The following TTF2 variants were observed in gnomAD, a reference collection of about 807,000 sequenced individuals.
TTF2 encodes transcription termination factor 2, also known as RNA polymerase II termination factor.
Under a neutral mutation model 142.4 loss-of-function variants are expected in TTF2, and 108 were observed. The ratio of observed to expected loss-of-function variants is 0.76; its 90% confidence interval spans 0.65 to 0.89. TTF2 has a LOEUF of 0.89. Among genes scored for constraint, TTF2 ranks in the 40% least tolerant of loss-of-function variants. The pLI is 0.00. For missense variants in TTF2, 1,327 were observed against 1,379.8 expected, an observed-to-expected ratio of 0.96 and a Z score of 0.61; for synonymous variants, 483 against 506.2, an observed-to-expected ratio of 0.95 and a Z score of 0.61.
rs1358062914 is a variant in TTF2 at position 117,101,363 on chromosome 1, T to G, written c.3345-17T>G. The stretch of plus-strand genomic sequence containing the variant: ...GGGTTTTTGATAGTTTGCTTATTTT[T>G]TGTTTTTGTTTTTTAGATTTGTTTG... On this transcript the variant is annotated splice_polypyrimidine_tract_variant and intron_variant, in intron 22 of 22. Transcript: ENST00000369466. This position sits in a 1 kb window ranked among gnomAD's most constrained non-coding sequence, Gnocchi z 5.9. The G allele has an allele frequency of 1.9e-6, 3 of 1,568,014 alleles. No homozygotes were observed. Among genetic ancestry groups the G allele is most frequent in the Non-Finnish European group, 2.6e-6 (3 of 1,166,500 alleles).
chr1:117,074,932 T>A lies in TTF2; in HGVS notation c.348T>A (p.His116Gln), dbSNP rs762600511. Reference sequence around the variant, plus strand: ...CTCAGCATGCATCTGAGACATTTCATCATTCTTCCAACTGGCTGAGAAATC... The same window carrying A: ...CTCAGCATGCATCTGAGACATTTCAACATTCTTCCAACTGGCTGAGAAATC... ...NKSQHASETF[H>Q]HSSNWLRNPF... Residue 116 changes from histidine (H) to glutamine (Q), a missense_variant, in exon 5 of 23, where the codon CAT becomes CAA. Transcript: ENST00000369466. 6.2e-7 allele frequency: 1 copy of A among 1,613,622 alleles called. No individual in the cohort carries two copies. The highest frequency in any genetic ancestry group is 8.5e-7 in the Non-Finnish European group (1 of 1,179,952).
rs138774321 is a variant in TTF2 at position 117,098,903 on chromosome 1, C to G, written c.3340C>G (p.His1114Asp). The G allele has an allele frequency of 8.1e-6, 13 of 1,612,760 alleles. No individual in the cohort carries two copies. Among genetic ancestry groups the G allele is most frequent in the African/African-American group, 1.3e-5 (1 of 74,636 alleles). Residue 1114 changes from histidine to aspartate, a missense_variant, in exon 22 of 23, where the codon CAC becomes GAC. Physicochemically the swap from His to Asp is moderately conservative, Grantham distance 81. Coordinates refer to ENST00000369466, the MANE Select transcript of TTF2 (RefSeq NM_003594.4). ...RVGQQKDVVI[H>D]RFVCEGTVEE... ...AGGGCAGCAGAAAGATGTTGTCATA[C>G]ACAGGTAAGTAATGGTCCCCAGGAC...
chr1:117,086,742 G>A lies in TTF2; in HGVS notation c.2160+220G>A, dbSNP rs1431030857. On this transcript the variant is annotated intron_variant, in intron 12 of 22. Transcript: ENST00000369466. This position sits in a 1 kb window ranked among gnomAD's most constrained non-coding sequence, Gnocchi z 4.2. ...TCAACCTATGCCACAGGATTCAGCT[G>A]CCTTTTAGAATGAAAGATGACTGCA... Among the ~76,000 whole-genome samples, 4 of 152,178 alleles carry A rather than the reference G, an allele frequency of 2.6e-5. No individual in the cohort carries two copies. Among genetic ancestry groups the A allele is most frequent in the Non-Finnish European group, 5.9e-5 (4 of 68,042 alleles).
In TTF2 at chr1:117,093,016, C is replaced by T; in HGVS notation, c.2976+115C>T. 8.5e-7 allele frequency: 1 copy of T among 1,180,846 alleles called. No individual in the cohort carries two copies. The highest frequency in any genetic ancestry group is 1.2e-6 in the Non-Finnish European group (1 of 833,244). The allele number at this position is 1,180,846 out of a possible 1,614,324, so 73.1% of individuals were successfully genotyped here. On this transcript the variant is annotated intron_variant, in intron 18 of 22. Transcript: ENST00000369466. This position sits in a 1 kb window ranked among gnomAD's most constrained non-coding sequence, Gnocchi z 4.5. ...CAGCCATTTGCCAGCAGAGCTAGAG[C>T]CGTTAAATTCTAGCTGATCAGATTC...
rs371728462 is a variant in TTF2, at chr1:117,060,769, AC to A, written c.131+218del. 9.2e-5 allele frequency among the ~76,000 whole-genome samples: 14 copies of A among 152,024 alleles called. No individual in the cohort carries two copies. In the South Asian group the frequency reaches 2.7e-3, roughly 29 times the overall value. ...CTGGCTGTGTGACCCGAGGCTGGTT[AC>A]CCCCCTCTCTGGGCCGATGGTTCCC... On this transcript the variant is annotated intron_variant, in intron 2 of 22. Coordinates refer to ENST00000369466, the MANE Select transcript of TTF2 (RefSeq NM_003594.4).
Position 117,101,355 on chromosome 1 carries a change from CTTAT to C in TTF2, c.3345-22_3345-19del. ...GCTGCTTAGGGTTTTTGATAGTTTGCTTATTTTTTGTTTTTGTTTTTTAGATTTG... is the reference window on the plus strand; with the variant it reads ...GCTGCTTAGGGTTTTTGATAGTTTGCTTTTTGTTTTTGTTTTTTAGATTTG... On this transcript the variant is annotated intron_variant, in intron 22 of 22. Coordinates refer to ENST00000369466, the MANE Select transcript of TTF2 (RefSeq NM_003594.4). This position sits in a 1 kb window ranked among gnomAD's most constrained non-coding sequence, Gnocchi z 5.9. 6.4e-7 allele frequency: 1 copy of C among 1,559,908 alleles called. No homozygotes were observed. The highest frequency in any genetic ancestry group is 8.6e-7 in the Non-Finnish European group (1 of 1,162,718).
intron 2 of TTF2, among the ~76,000 whole-genome samples, chr1:117,061,187 C>T (rs111882324): frequency 0.092 from 13,909 of 151,992 alleles, 851 homozygotes; most frequent in African/African-American, 0.16. Context: ...CCCAGGGGTT[C>T]GAAACCAGCC....
rs1002741886 is a variant in TTF2 at position 117,104,739 on chromosome 1, G to C, written c.*3215G>C. 2 of 152,208 alleles carry C rather than the reference G, an allele frequency of 1.3e-5. No individual in the cohort carries two copies. Among genetic ancestry groups the C allele is most frequent in the African/African-American group, 2.4e-5 (1 of 41,444 alleles). The allele number at this position is 152,208 out of a possible 1,614,324, so 9.4% of individuals were successfully genotyped here. ...ATCCTAGTGCTGGGATGGATTACAT[G>C]AATTACATTGTGGAGCTGCATATGT... is the stretch of plus-strand genomic sequence containing the variant. On this transcript the variant is annotated 3_prime_UTR_variant, in exon 23 of 23. Transcript: ENST00000369466.
At chr1:117,081,787 C>T (rs774059041) in intron 9 of TTF2, 41 bp from the exon 10 acceptor site, 3 of 1,600,644 alleles carry the variant, frequency 1.9e-6, no homozygotes, top group African/African-American at 2.7e-5. Flanking sequence ...GATTATTTGC[C>T]CTAAGCAATT....
At chr1:117,071,467 A>G (rs1050121224) in intron 3 of TTF2, among the ~76,000 whole-genome samples, 4 of 152,232 alleles carry the variant, frequency 2.6e-5, no homozygotes, top group African/African-American at 9.6e-5. Flanking sequence ...AAGAATGTAT[A>G]TTGACTTGAA....
At position 117,086,523 on chromosome 1, in the gene TTF2, G is replaced by A; in HGVS notation, c.2160+1G>A. 1 of 1,612,448 alleles carries A rather than the reference G, an allele frequency of 6.2e-7. No individual in the cohort carries two copies. The highest frequency in any genetic ancestry group is 8.5e-7 in the Non-Finnish European group (1 of 1,178,710). ...CCCAGGTGCAAACCTCAATGTGGAG[G>A]TGAGGCTGGGGGGCAGCCAGGGAAG... On this transcript the variant is annotated splice_donor_variant, in intron 12 of 22. Coordinates refer to ENST00000369466, the MANE Select transcript of TTF2 (RefSeq NM_003594.4). LOFTEE classifies it high-confidence loss of function. The surrounding 1 kb of genome is among the most constrained non-coding windows in gnomAD (Gnocchi z 4.2).
chr1:117,091,507 CAG>C lies in TTF2; in HGVS notation c.2671+101_2671+102del, dbSNP rs1648573945. On this transcript the variant is annotated intron_variant, in intron 16 of 22. Coordinates refer to ENST00000369466, the MANE Select transcript of TTF2 (RefSeq NM_003594.4). ...ATGTGAGGTTATGAATCCTTGGTAT[CAG>C]AGATTTGGCGTTAACTAAGACCCTC... 4 of 1,314,048 alleles carry C rather than the reference CAG, an allele frequency of 3.0e-6. 1 individual carries two copies. Among genetic ancestry groups the C allele is most frequent in the Non-Finnish European group, 4.2e-6 (4 of 959,702 alleles). The allele number at this position is 1,314,048 out of a possible 1,614,324, so 81.4% of individuals were successfully genotyped here.
Position 117,092,782 on chromosome 1 carries a change from G to A in TTF2, c.2857G>A (p.Glu953Lys), listed in dbSNP as rs1648713074. 3 of 1,614,080 alleles carry A rather than the reference G, an allele frequency of 1.9e-6. No homozygotes were observed. The African/African-American group carries it at 4.0e-5, about 22-fold the overall frequency. Residue 953 changes from glutamate to lysine, a missense_variant, in exon 18 of 23, where the codon GAA (glutamate) becomes AAA (lysine). Glu to Lys is a moderately conservative substitution (Grantham distance 56, BLOSUM62 1). Transcript: ENST00000369466. This position sits in a 1 kb window ranked among gnomAD's most constrained non-coding sequence, Gnocchi z 4.4. ...KGEGLVLSLE[E>K]QLSALTLSEL... is the part of the protein sequence containing the mutation. ...TGAAGGTCTTGTCCTTTCCCTGGAA[G>A]AACAGCTCAGTGCTTTGACCTTGTC...
chr1:117,105,089 C>G lies in TTF2; in HGVS notation c.*3565C>G, dbSNP rs557258023. The G allele has an allele frequency of 3.3e-5, 5 of 152,302 alleles. No homozygotes were observed. The East Asian group carries it at 9.7e-4, about 29-fold the overall frequency. The allele number at this position is 152,302 out of a possible 1,614,324, so 9.4% of individuals were successfully genotyped here. Reference sequence around the variant, plus strand: ...TGCTGGATTTGCTTTTTACATCTGCCTATTGCACCTGACTTGGGCATGGAT... The same window carrying G: ...TGCTGGATTTGCTTTTTACATCTGCGTATTGCACCTGACTTGGGCATGGAT... On this transcript the variant is annotated 3_prime_UTR_variant, in exon 23 of 23. Coordinates refer to ENST00000369466, the MANE Select transcript of TTF2 (RefSeq NM_003594.4). This position sits in a 1 kb window ranked among gnomAD's most constrained non-coding sequence, Gnocchi z 4.7.
Position 117,100,159 on chromosome 1 carries a change from T to C in TTF2, c.3345-1221T>C, listed in dbSNP as rs1649469197. Among the ~76,000 whole-genome samples, 1 of 152,256 alleles carries C rather than the reference T, an allele frequency of 6.6e-6. No homozygotes were observed. The highest frequency in any genetic ancestry group is 2.4e-5 in the African/African-American group (1 of 41,470). On this transcript the variant is annotated intron_variant, in intron 22 of 22. Coordinates refer to ENST00000369466, the MANE Select transcript of TTF2 (RefSeq NM_003594.4). The surrounding 1 kb of genome is among the most constrained non-coding windows in gnomAD (Gnocchi z 4.6). ...TTACATGTTTCAGGTACTCAAATGT[T>C]ACAAATAGAAATTGATTTTCTCTTC...
In TTF2 at chr1:117,081,835, T is replaced by C. The variant is rs1260347732; in HGVS notation, c.1791T>C (p.Asp597=). The stretch of plus-strand genomic sequence containing the variant: ...TTTGCTTTTATTTTCTAGCAGATGA[T>C]ATGGGCTTAGGAAAAACCCTGACAA... ...QKPQGGILAD[D]MGLGKTLTMI... The change falls in exon 10 of 23, where the codon GAT becomes GAC. Residue 597 remains aspartate, a synonymous_variant. Coordinates refer to ENST00000369466, the MANE Select transcript of TTF2 (RefSeq NM_003594.4). 1.2e-6 allele frequency: 2 copies of C among 1,613,494 alleles called. No individual in the cohort carries two copies. The highest frequency in any genetic ancestry group is 1.7e-6 in the Non-Finnish European group (2 of 1,179,852).
At chr1:117,068,977 CTT>C (rs1460002141) in intron 3 of TTF2, among the ~76,000 whole-genome samples, 1 of 152,186 alleles carries the variant, frequency 6.6e-6, no homozygotes, top group Non-Finnish European at 1.5e-5. Flanking sequence ...GTAGTGTAAA[CTT>C]TTAAAAATTA....
chr1:117,079,932 C>T lies in TTF2; in HGVS notation c.1783+283C>T, dbSNP rs984982770. Among the ~76,000 whole-genome samples the T allele has an allele frequency of 6.6e-6, 1 of 151,538 alleles. No homozygotes were observed. Among genetic ancestry groups the T allele is most frequent in the Non-Finnish European group, 1.5e-5 (1 of 68,002 alleles). ...TGGCTCCCACAATCTCTAGGAGATA[C>T]GGAGTGCCAGGCTCGAGGCCAATTT... On this transcript the variant is annotated intron_variant, in intron 9 of 22. Transcript: ENST00000369466. The surrounding 1 kb of genome is among the most constrained non-coding windows in gnomAD (Gnocchi z 4.2).
chr1:117,077,553 C>A (rs1199211056), intron 7 of TTF2, among the ~76,000 whole-genome samples: 2 of 152,112 alleles, frequency 1.3e-5, no homozygotes, highest in Non-Finnish European at 2.9e-5. Flanking sequence ...ACTAATAGAT[C>A]CACAGAGAGC....
Sources: allele counts gnomAD v4.1 joint callset (sites outside exome capture counted in the v4.1 genomes callset), GRCh38; gene constraint gnomAD v4.1.1; non-coding constraint Gnocchi (gnomAD v3.1); transcripts MANE v1.5; gene names NCBI Gene and HGNC (gene_info 2026-07-23, HGNC 2026-07-21).